The following TRIO variants were observed in gnomAD, a reference collection of about 807,000 sequenced individuals.
TRIO encodes trio Rho guanine nucleotide exchange factor.
A neutral mutation model predicts 351.9 loss-of-function variants in TRIO; 58 were observed. The observed-to-expected ratio is 0.16, with a 90% CI of 0.13 to 0.21. The LOEUF (loss-of-function observed/expected upper bound fraction) is 0.21. Among genes scored for constraint, TRIO ranks in the 10% least tolerant of loss-of-function variants. TRIO has a pLI of 1.00. For missense variants in TRIO, 3,201 were observed against 4,027.8 expected (o/e 0.79, Z 5.56); for synonymous variants, 1,758 against 1,595.7 (o/e 1.10, Z -2.42).
At chr5:14,184,242 CTGTTT>C (rs1245226178) in intron 1 of TRIO, among the ~76,000 whole-genome samples, 8 of 152,116 alleles carry the variant, frequency 5.3e-5, no homozygotes, top group African/African-American at 1.9e-4. Flanking sequence ...AACAGCAGTT[CTGTTT>C]TGAGAGCCGA....
rs79246654 is a variant in TRIO at position 14,186,914 on chromosome 5, A to G, written c.157+43032A>G. Among the ~76,000 whole-genome samples, 600 of 152,300 alleles carry G rather than the reference A, an allele frequency of 3.9e-3. 5 individuals carry two copies. Among genetic ancestry groups the G allele is most frequent in the African/African-American group, 0.014 (563 of 41,562 alleles). ...TCTAATGATTGAGACTCTTGGGCAC[A>G]ATGCCACATGATTTTGTCATGCTAG... On this transcript the variant is annotated intron_variant, in intron 1 of 56. Coordinates refer to ENST00000344204, the MANE Select transcript of TRIO (RefSeq NM_007118.4).
chr5:14,378,632 T>C (rs1745784493), intron 20 of TRIO, among the ~76,000 whole-genome samples: 1 of 152,076 alleles, frequency 6.6e-6, no homozygotes, highest in Admixed American at 6.5e-5. Flanking sequence ...CGGTCTCAGC[T>C]TACTGCAACC....
rs1375446831 is a variant in TRIO, at chr5:14,295,004, T to G, written c.1176+1870T>G. On this transcript the variant is annotated intron_variant, in intron 6 of 56. Coordinates refer to ENST00000344204, the MANE Select transcript of TRIO (RefSeq NM_007118.4). ...TTTCTAAGTTAAACTTGTAATACAA[T>G]GCATGCGGGTAGCTCGGTGCCATGA... Among the ~76,000 whole-genome samples the G allele has an allele frequency of 3.3e-5, 5 of 152,268 alleles. No individual in the cohort carries two copies. In the South Asian group the frequency reaches 1.0e-3, roughly 32 times the overall value.
At chr5:14,229,402 C>T (rs1182830397) in intron 1 of TRIO, among the ~76,000 whole-genome samples, 1 of 152,214 alleles carries the variant, frequency 6.6e-6, no homozygotes, top group Non-Finnish European at 1.5e-5. Context: ...GGCCTGCAGG[C>T]CCTCCTTTGC....
chr5:14,325,302 T>C (rs1392984252), intron 9 of TRIO, among the ~76,000 whole-genome samples: 1 of 152,108 alleles, frequency 6.6e-6, no homozygotes, highest in Non-Finnish European at 1.5e-5. Flanking sequence ...GAAAACAGGT[T>C]TATTTGGCTC....
intron 1 of TRIO, among the ~76,000 whole-genome samples, chr5:14,221,433 A>C (rs1792613276): frequency 6.6e-6 from 1 of 152,226 alleles, no homozygotes; most frequent in Non-Finnish European, 1.5e-5. Flanking sequence ...TGCCATAGAT[A>C]GTGATTCCTC....
chr5:14,423,054 G>A (rs547117723), intron 34 of TRIO, among the ~76,000 whole-genome samples: 20 of 152,348 alleles, frequency 1.3e-4, no homozygotes, highest in Admixed American at 3.9e-4. Flanking sequence ...GTCTGATGGC[G>A]CCTTCTGCTC....
At chr5:14,368,363 G>T (rs1247576958) in intron 16 of TRIO, among the ~76,000 whole-genome samples, 2 of 152,108 alleles carry the variant, frequency 1.3e-5, no homozygotes, top group Admixed American at 1.3e-4. Context: ...TTATGAGAAG[G>T]ATCAACAGGA....
At chr5:14,311,184 A>G (rs1159435414) in intron 8 of TRIO, among the ~76,000 whole-genome samples, 5 of 152,228 alleles carry the variant, frequency 3.3e-5, no homozygotes, top group Admixed American at 3.3e-4. Flanking sequence ...GCCCAGGTGC[A>G]GCCTATGGAA....
chr5:14,242,235 G>A (rs1216700442), intron 1 of TRIO, among the ~76,000 whole-genome samples: 9 of 152,312 alleles, frequency 5.9e-5, no homozygotes, highest in East Asian at 1.9e-4. Flanking sequence ...CATGTTTTCC[G>A]TTGACTAACA....
chr5:14,263,843 A>G (rs1490935075), intron 1 of TRIO, among the ~76,000 whole-genome samples: 1 of 152,240 alleles, frequency 6.6e-6, no homozygotes, highest in African/African-American at 2.4e-5. Context: ...CAGGCTTTAC[A>G]GGGACATGCA....
chr5:14,510,037 A>G lies in TRIO; in HGVS notation c.*1615A>G, dbSNP rs1757984703. 6.6e-6 allele frequency: 1 copy of G among 152,210 alleles called. No homozygotes were observed. The highest frequency in any genetic ancestry group is 1.5e-5 in the Non-Finnish European group (1 of 68,062). The allele number at this position is 152,210 out of a possible 1,614,324, so 9.4% of individuals were successfully genotyped here. Reference sequence around the variant, plus strand: ...AAACTGGATGTGTATTCGTAACCTCATAATTTTTATTTGTGTATTGTTTCT... The same window carrying G: ...AAACTGGATGTGTATTCGTAACCTCGTAATTTTTATTTGTGTATTGTTTCT... On this transcript the variant is annotated 3_prime_UTR_variant, in exon 57 of 57. Transcript: ENST00000344204.
At chr5:14,278,376 A>G (rs929105827) in intron 2 of TRIO, among the ~76,000 whole-genome samples, 1 of 152,194 alleles carries the variant, frequency 6.6e-6, no homozygotes, top group African/African-American at 2.4e-5. Context: ...CTTGTGAGCT[A>G]CGGTGACCCA....
chr5:14,231,770 A>G (rs1361516425), intron 1 of TRIO, among the ~76,000 whole-genome samples: 1 of 152,156 alleles, frequency 6.6e-6, no homozygotes, highest in East Asian at 1.9e-4. Flanking sequence ...GACTCATAAT[A>G]GGTGAACCTT....
chr5:14,165,111 CTTTTAT>C (rs1024308870), intron 1 of TRIO, among the ~76,000 whole-genome samples: 28 of 152,290 alleles, frequency 1.8e-4, no homozygotes, highest in Middle Eastern at 6.8e-3. Context: ...AGTAGCTCTA[CTTTTAT>C]TTTTATTTTA....
chr5:14,429,451 A>T (rs1750915660), intron 34 of TRIO, among the ~76,000 whole-genome samples: 1 of 152,178 alleles, frequency 6.6e-6, no homozygotes, highest in South Asian at 2.1e-4. Flanking sequence ...CTGAAAATGC[A>T]AAGAGAAGGG....
intron 7 of TRIO, among the ~76,000 whole-genome samples, chr5:14,299,400 G>A (rs547063663): frequency 2.0e-5 from 3 of 152,184 alleles, no homozygotes; most frequent in African/African-American, 2.4e-5. Context: ...TAATGAAGAA[G>A]GAGCCCAGCG....
chr5:14,463,336 G>T (rs939231967), intron 36 of TRIO, among the ~76,000 whole-genome samples: 2 of 152,180 alleles, frequency 1.3e-5, no homozygotes, highest in African/African-American at 4.8e-5. Flanking sequence ...TTGCATGCAG[G>T]TTTCTGGTTT....
At chr5:14,481,202 C>A in intron 43 of TRIO, 32 bp from the exon 44 acceptor site, 1 of 1,601,548 alleles carries the variant, frequency 6.2e-7, no homozygotes, top group Non-Finnish European at 8.5e-7. Flanking sequence ...GTCTTTGTCA[C>A]CATTATCATG....
Sources: allele counts gnomAD v4.1 joint callset (sites outside exome capture counted in the v4.1 genomes callset), GRCh38; gene constraint gnomAD v4.1.1; transcripts MANE v1.5; gene names NCBI Gene and HGNC (gene_info 2026-07-23, HGNC 2026-07-21).